Variants in PCDHGA1 observed in about 807,000 individuals in gnomAD.
PCDHGA1 encodes the protein protocadherin gamma subfamily A, 1.
In PCDHGA1, 32 loss-of-function variants were observed where a neutral mutation model predicts 58.0. The observed-to-expected ratio is 0.55, with a 90% CI of 0.42 to 0.74. The LOEUF is 0.74. PCDHGA1 is among the 30% of genes least tolerant of loss of function. The probability of loss-of-function intolerance (pLI) is 0.00; values close to 1 mark genes in which losing one functional copy is unlikely to be tolerated. For synonymous variants in PCDHGA1, 498 were observed against 501.1 expected (o/e 0.99, Z 0.08); for missense variants, 1,205 against 1,182.3 (o/e 1.02, Z -0.28).
chr5:141,351,930 G>A, intron 1 of PCDHGA1: 14 of 1,613,296 alleles, frequency 8.7e-6, no homozygotes, highest in Non-Finnish European at 1.1e-5. Context: ...AATGCGCCAC[G>A]GGTGCTGTAC....
At chr5:141,374,379 G>T in intron 1 of PCDHGA1, 11 of 1,614,042 alleles carry the variant, frequency 6.8e-6, no homozygotes, top group Non-Finnish European at 9.3e-6. Flanking sequence ...TGTGCTCAGA[G>T]CCCGCGGTGT....
chr5:141,364,339 T>A, intron 1 of PCDHGA1: 1 of 1,532,912 alleles, frequency 6.5e-7, no homozygotes. Context: ...CAATGGCGAG[T>A]CCACCTAGGG....
At position 141,432,669 on chromosome 5, in the gene PCDHGA1, C is replaced by T. The variant is rs777314784; in HGVS notation, c.2422-62138C>T. ...GCGCGAGCCCTGCTGGACAGAGACG[C>T]GCTCAAGCAGAGCCTCGTAGTGGCC... On this transcript the variant is annotated intron_variant, in intron 1 of 3. Transcript: ENST00000517417. This position sits in a 1 kb window ranked among gnomAD's most constrained non-coding sequence, Gnocchi z 6.0. 1 of 1,613,894 alleles carries T rather than the reference C, an allele frequency of 6.2e-7. No homozygotes were observed.
chr5:141,382,810 C>T, intron 1 of PCDHGA1: 3 of 1,162,786 alleles, frequency 2.6e-6, no homozygotes, highest in Non-Finnish European at 3.7e-6. Context: ...TCTGAGCTCC[C>T]CTTCCTAAGA....
In PCDHGA1 at chr5:141,439,058, TGGCA is replaced by T. The variant is rs1241503235; in HGVS notation, c.2422-55745_2422-55742del. On this transcript the variant is annotated intron_variant, in intron 1 of 3. Transcript: ENST00000517417. ...CAGTTCATAAGATTTCCATATTGTG[TGGCA>T]GGCGCCTGTAATCCCAGCTACTCAG... 2.0e-5 allele frequency among the ~76,000 whole-genome samples: 3 copies of T among 151,580 alleles called. No individual in the cohort carries two copies. The East Asian group carries it at 5.9e-4, about 30-fold the overall frequency.
intron 1 of PCDHGA1, chr5:141,433,315 TCCGGTGTAACAGGGACTA>T: frequency 1.2e-6 from 1 of 856,086 alleles, no homozygotes; most frequent in Non-Finnish European, 1.8e-6. Flanking sequence ...CACCTTTGCC[TCCGGTGTAACAGGGACTA>T]CAGGTGCAAG....
intron 1 of PCDHGA1, among the ~76,000 whole-genome samples, chr5:141,368,602 G>T (rs992972372): frequency 1.3e-5 from 2 of 152,100 alleles, no homozygotes; most frequent in African/African-American, 4.8e-5. Context: ...AAAAGTAAAG[G>T]TTATAGATTT....
chr5:141,400,611 G>T (rs555600694), intron 1 of PCDHGA1: 1 of 1,573,002 alleles, frequency 6.4e-7, no homozygotes, highest in South Asian at 1.1e-5. Context: ...CAAGTCCAAT[G>T]AGTTGTCTTA....
In PCDHGA1 at chr5:141,433,177, A is replaced by T; in HGVS notation, c.2422-61630A>T. 1.9e-6 allele frequency: 3 copies of T among 1,608,174 alleles called. No homozygotes were observed. The Middle Eastern group carries it at 5.0e-4, about 267-fold the overall frequency. Reference sequence around the variant, plus strand: ...TATTTTCTAAAGACAGTCATGGGTTAATTGAGGTGAGTTTATATCAAATCT... The same window carrying T: ...TATTTTCTAAAGACAGTCATGGGTTTATTGAGGTGAGTTTATATCAAATCT... On this transcript the variant is annotated intron_variant, in intron 1 of 3. Coordinates refer to ENST00000517417, the MANE Select transcript of PCDHGA1 (RefSeq NM_018912.3).
chr5:141,452,587 A>G (rs1171400700), intron 1 of PCDHGA1, among the ~76,000 whole-genome samples: 1 of 151,948 alleles, frequency 6.6e-6, no homozygotes, highest in Non-Finnish European at 1.5e-5. Context: ...CCATCTTTGT[A>G]TTTTTATTTT....
At chr5:141,394,851 C>T in intron 1 of PCDHGA1, 1 of 1,613,824 alleles carries the variant, frequency 6.2e-7, no homozygotes, top group Non-Finnish European at 8.5e-7. Context: ...CAGTCTGAAG[C>T]CTTCGGTCGA....
Position 141,478,407 on chromosome 5 carries a change from C to T in PCDHGA1, c.2422-16400C>T. On this transcript the variant is annotated intron_variant, in intron 1 of 3. Coordinates refer to ENST00000517417, the MANE Select transcript of PCDHGA1 (RefSeq NM_018912.3). The stretch of plus-strand genomic sequence containing the variant: ...CTTTACCATCAGGTGTATCTCACCA[C>T]GGACTCCCGCCGCAGCGACCCGCTG... 1.9e-6 allele frequency: 3 copies of T among 1,613,272 alleles called. No individual in the cohort carries two copies. The highest frequency in any genetic ancestry group is 1.3e-5 in the African/African-American group (1 of 75,072).
chr5:141,478,590 A>T, intron 1 of PCDHGA1: 1 of 1,573,342 alleles, frequency 6.4e-7, no homozygotes, highest in South Asian at 1.1e-5. Flanking sequence ...GTGCTTTTTT[A>T]TTCCTACATC....
intron 1 of PCDHGA1, chr5:141,345,606 T>C: frequency 1.2e-6 from 2 of 1,614,058 alleles, no homozygotes; most frequent in South Asian, 1.1e-5. Flanking sequence ...CTACGAGCAA[T>C]TTAGAGACTT....
At chr5:141,353,028 CATT>C (rs1759167363) in intron 1 of PCDHGA1, among the ~76,000 whole-genome samples, 1 of 152,104 alleles carries the variant, frequency 6.6e-6, no homozygotes, top group African/African-American at 2.4e-5. Context: ...ATTTTCTTCT[CATT>C]GGTGTATAAG....
rs1394234849 is a variant in PCDHGA1 at position 141,415,739 on chromosome 5, GGTTT to G, written c.2422-79067_2422-79064del. The G allele has an allele frequency of 1.9e-3, 837 of 434,806 alleles. 9 individuals are homozygous for G. In the African/African-American group the frequency reaches 0.026, roughly 14 times the overall value. The allele number at this position is 434,806 out of a possible 1,614,324, so 26.9% of individuals were successfully genotyped here. A position where few individuals can be genotyped will look rare whatever the true frequency, so the allele number is the denominator to read the frequency against. On this transcript the variant is annotated intron_variant, in intron 1 of 3. Coordinates refer to ENST00000517417, the MANE Select transcript of PCDHGA1 (RefSeq NM_018912.3). ...ATGAGTAGAATTTGATGTTTATTAAGGTTTTTTTTTTTTTTTTTTTTTTTTTTTT... is the reference window on the plus strand; with the variant it reads ...ATGAGTAGAATTTGATGTTTATTAAGTTTTTTTTTTTTTTTTTTTTTTTTT...
Position 141,458,007 on chromosome 5 carries a change from C to T in PCDHGA1, c.2422-36800C>T, listed in dbSNP as rs142050242. Among the ~76,000 whole-genome samples the T allele has an allele frequency of 1.3e-3, 200 of 152,274 alleles. 1 individual carries two copies. The East Asian group carries it at 0.032, about 24-fold the overall frequency. ...TCAGTTAAAGCCTTGGCAAAATAAC[C>T]GGTTTTTCCAATTGTGTTCTGTTGA... On this transcript the variant is annotated intron_variant, in intron 1 of 3. Transcript: ENST00000517417.
chr5:141,392,202 T>A (rs534571054), intron 1 of PCDHGA1: 1 of 152,352 alleles, frequency 6.6e-6, no homozygotes, highest in South Asian at 2.1e-4. Context: ...AGTCTCAAGA[T>A]AAATTCATTT....
intron 1 of PCDHGA1, among the ~76,000 whole-genome samples, chr5:141,456,918 G>A (rs535602842): frequency 6.6e-6 from 1 of 152,006 alleles, no homozygotes; most frequent in African/African-American, 2.4e-5. Context: ...AGCCGAGATC[G>A]CACCACTGCA....
Sources: gnomAD v4.1 joint callset for allele counts (sites outside exome capture counted in the v4.1 genomes callset) on GRCh38, gnomAD v4.1.1 for gene constraint, Gnocchi (gnomAD v3.1) non-coding constraint, MANE v1.5 for transcripts, NCBI Gene and HGNC (gene_info 2026-07-23, HGNC 2026-07-21) for gene names.